The following NR3C2 variants were observed in gnomAD, a reference collection of about 807,000 sequenced individuals.
The protein encoded by NR3C2 is mineralocorticoid receptor.
Under a neutral mutation model 86.4 loss-of-function variants are expected in NR3C2, and 15 were observed. The ratio of observed to expected loss-of-function variants is 0.17; its 90% CI spans 0.12 to 0.27. The LOEUF (loss-of-function observed/expected upper bound fraction) is 0.27. Among genes scored for constraint, NR3C2 ranks in the 10% least tolerant of loss-of-function variants. The pLI is 1.00. For missense variants in NR3C2, 960 were observed against 1,195.6 expected (o/e 0.80, Z 2.91); for synonymous variants, 458 against 450.5 (o/e 1.02, Z -0.21).
intron 2 of NR3C2, among the ~76,000 whole-genome samples, chr4:148,403,701 C>T (rs1748276858): frequency 6.6e-6 from 1 of 151,918 alleles, no homozygotes; most frequent in Non-Finnish European, 1.5e-5. Flanking sequence ...TTTAAATGTC[C>T]TAAATAATAT....
At chr4:148,140,784 A>G (rs765027074) in intron 6 of NR3C2, among the ~76,000 whole-genome samples, 5 of 152,016 alleles carry the variant, frequency 3.3e-5, no homozygotes, top group Admixed American at 1.3e-4. Flanking sequence ...CATCATTACT[A>G]CTCTATCTGA....
At chr4:148,110,775 T>C (rs555528565) in intron 8 of NR3C2, among the ~76,000 whole-genome samples, 7 of 152,316 alleles carry the variant, frequency 4.6e-5, no homozygotes, top group African/African-American at 1.7e-4. Context: ...CCAGCCAAGG[T>C]GGAGTGAGAT....
intron 3 of NR3C2, among the ~76,000 whole-genome samples, chr4:148,259,575 C>T (rs559614248): frequency 2.0e-5 from 3 of 152,308 alleles, no homozygotes; most frequent in Non-Finnish European, 2.9e-5. Context: ...CTGATATTAA[C>T]GTTTTAATTT....
At chr4:148,133,139 G>C (rs1733110218) in intron 6 of NR3C2, among the ~76,000 whole-genome samples, 1 of 150,610 alleles carries the variant, frequency 6.6e-6, no homozygotes, top group African/African-American at 2.4e-5. Flanking sequence ...GACGCGGTGA[G>C]CCATGATAGG....
intron 2 of NR3C2, among the ~76,000 whole-genome samples, chr4:148,353,072 T>C (rs902690755): frequency 1.3e-5 from 2 of 152,158 alleles, no homozygotes; most frequent in Admixed American, 6.5e-5. Flanking sequence ...GGGCAATGCG[T>C]CAGTTTTTAC....
chr4:148,215,780 G>GTTTTT (rs35315376), intron 3 of NR3C2, among the ~76,000 whole-genome samples: 3 of 134,454 alleles, frequency 2.2e-5, no homozygotes, highest in African/African-American at 5.7e-5. Context: ...TTGAGGCATA[G>GTTTTT]TTTTTTTTTT....
chr4:148,118,987 C>T (rs908375325), intron 7 of NR3C2, among the ~76,000 whole-genome samples: 3 of 152,148 alleles, frequency 2.0e-5, no homozygotes, highest in African/African-American at 7.2e-5. Context: ...CCTATCCTGT[C>T]TCTCTCCTCT....
chr4:148,428,934 A>T (rs1749675708), intron 2 of NR3C2, among the ~76,000 whole-genome samples: 1 of 152,166 alleles, frequency 6.6e-6, no homozygotes, highest in Non-Finnish European at 1.5e-5. Flanking sequence ...CAAATTTCTT[A>T]GTGTAAATTT....
In NR3C2 at chr4:148,197,514, C is replaced by T. The variant is rs61757491; in HGVS notation, c.1898-2652G>A. Among the ~76,000 whole-genome samples the T allele has an allele frequency of 3.5e-3, 538 of 152,176 alleles. 3 individuals carry two copies. Among genetic ancestry groups the T allele is most frequent in the Non-Finnish European group, 5.4e-3 (368 of 68,016 alleles). Reference sequence around the variant, plus strand: ...GAATTTTCAGTAAATGTAACTAAGACTTTTTAGATTGTAGGCATACAGAAT... The same window carrying T: ...GAATTTTCAGTAAATGTAACTAAGATTTTTTAGATTGTAGGCATACAGAAT... On this transcript the variant is annotated intron_variant, in intron 3 of 8. Coordinates refer to ENST00000358102, the MANE Select transcript of NR3C2 (RefSeq NM_000901.5).
intron 2 of NR3C2, among the ~76,000 whole-genome samples, chr4:148,293,093 G>A (rs1001588940): frequency 6.6e-6 from 1 of 152,140 alleles, no homozygotes; most frequent in African/African-American, 2.4e-5. Context: ...AAGAACATCT[G>A]AATGCATGGC....
chr4:148,341,114 A>G (rs1054905419), intron 2 of NR3C2, among the ~76,000 whole-genome samples: 4 of 152,142 alleles, frequency 2.6e-5, no homozygotes, highest in Middle Eastern at 3.2e-3. Flanking sequence ...AGCAATGTAA[A>G]GGAAATCAGT....
At chr4:148,356,682 G>A (rs1312042671) in intron 2 of NR3C2, among the ~76,000 whole-genome samples, 1 of 152,128 alleles carries the variant, frequency 6.6e-6, no homozygotes. Flanking sequence ...TATCCCAAGG[G>A]CGGACTAATT....
chr4:148,295,108 C>G (rs1252088803), intron 2 of NR3C2, among the ~76,000 whole-genome samples: 2 of 151,810 alleles, frequency 1.3e-5, no homozygotes, highest in African/African-American at 4.8e-5. Flanking sequence ...ATATATCTAC[C>G]AAAATAATGA....
chr4:148,395,398 C>T (rs1226408579), intron 2 of NR3C2, among the ~76,000 whole-genome samples: 1 of 152,068 alleles, frequency 6.6e-6, no homozygotes, highest in Non-Finnish European at 1.5e-5. Flanking sequence ...GGAAACATGG[C>T]ATCAGTTAAA....
chr4:148,245,124 A>G (rs1235155708), intron 3 of NR3C2, among the ~76,000 whole-genome samples: 1 of 152,140 alleles, frequency 6.6e-6, no homozygotes, highest in Non-Finnish European at 1.5e-5. Context: ...TTTATATACT[A>G]TTTCATCAAA....
At chr4:148,092,427 T>C (rs1731100035) in intron 8 of NR3C2, among the ~76,000 whole-genome samples, 1 of 152,122 alleles carries the variant, frequency 6.6e-6, no homozygotes, top group African/African-American at 2.4e-5. Context: ...CTCCCAGAAG[T>C]GGCCCCTTCA....
At chr4:148,255,805 A>C (rs777140069) in intron 3 of NR3C2, among the ~76,000 whole-genome samples, 11 of 152,242 alleles carry the variant, frequency 7.2e-5, no homozygotes, top group Non-Finnish European at 1.3e-4. Flanking sequence ...TTACAGTTGG[A>C]AAGAAACTAA....
intron 2 of NR3C2, among the ~76,000 whole-genome samples, chr4:148,319,799 G>A (rs2149950600): frequency 6.7e-6 from 1 of 149,442 alleles, no homozygotes; most frequent in Non-Finnish European, 1.5e-5. Context: ...GGTTTTTCTA[G>A]ATATACAATC....
intron 2 of NR3C2, among the ~76,000 whole-genome samples, chr4:148,284,461 C>A (rs928026617): frequency 2.0e-5 from 3 of 152,146 alleles, no homozygotes; most frequent in Non-Finnish European, 4.4e-5. Flanking sequence ...AGACTAGGTA[C>A]TCACGCTGTG....
Sources: allele counts gnomAD v4.1 joint callset (sites outside exome capture counted in the v4.1 genomes callset), GRCh38; gene constraint gnomAD v4.1.1; transcripts MANE v1.5; gene names NCBI Gene and HGNC (gene_info 2026-07-23, HGNC 2026-07-21).